RORA: variants seen among roughly 807,000 people sequenced by gnomAD.
RORA encodes the protein RAR related orphan receptor A.
Under a neutral mutation model 69.5 loss-of-function variants are expected in RORA, and 7 were observed. That is an observed-to-expected ratio of 0.10 (90% CI 0.06 to 0.19). RORA has a LOEUF of 0.19. RORA is among the 10% of genes least tolerant of loss of function. The probability of loss-of-function intolerance (pLI) is 1.00; values close to 1 mark genes in which losing one functional copy is unlikely to be tolerated. For synonymous variants in RORA, 261 were observed against 240.8 expected (o/e 1.08, Z -0.78); for missense variants, 457 against 663.0 (o/e 0.69, Z 3.41).
chr15:60,817,500 T>C (rs1252431856), intron 1 of RORA, among the ~76,000 whole-genome samples: 1 of 152,242 alleles, frequency 6.6e-6, no homozygotes, highest in African/African-American at 2.4e-5. Context: ...ATATAATACA[T>C]TACTATTAAC....
chr15:60,969,100 C>A (rs2140349928), intron 1 of RORA, among the ~76,000 whole-genome samples: 1 of 152,258 alleles, frequency 6.6e-6, no homozygotes, highest in East Asian at 1.9e-4. Context: ...TCTTACTGTA[C>A]CCTATGAAGT....
chr15:60,535,681 A>ATTTT (rs1053520919), intron 2 of RORA, among the ~76,000 whole-genome samples: 1 of 152,208 alleles, frequency 6.6e-6, no homozygotes, highest in Non-Finnish European at 1.5e-5. Flanking sequence ...AACAATGCCC[A>ATTTT]TTTTCCCAAA....
intron 1 of RORA, among the ~76,000 whole-genome samples, chr15:61,095,665 C>G (rs2078778667): frequency 1.3e-5 from 2 of 152,162 alleles, no homozygotes; most frequent in Non-Finnish European, 2.9e-5. Context: ...GCAGCAGAAC[C>G]CTTTGCTTAA....
intron 1 of RORA, among the ~76,000 whole-genome samples, chr15:60,985,571 A>G (rs1395742379): frequency 6.7e-6 from 1 of 148,530 alleles, no homozygotes; most frequent in Non-Finnish European, 1.5e-5. Context: ...GCTAGGTAAG[A>G]AACTCATCCT....
intron 2 of RORA, among the ~76,000 whole-genome samples, chr15:60,557,230 A>T (rs1430195837): frequency 6.6e-6 from 1 of 152,240 alleles, no homozygotes; most frequent in Non-Finnish European, 1.5e-5. Context: ...AATTTGCATT[A>T]TCCCTCTATA....
chr15:60,797,540 G>C (rs755476154), intron 1 of RORA, among the ~76,000 whole-genome samples: 8 of 152,186 alleles, frequency 5.3e-5, no homozygotes, highest in Non-Finnish European at 7.3e-5. Context: ...TGGGTACCAT[G>C]AGTTGTTTTA....
intron 1 of RORA, among the ~76,000 whole-genome samples, chr15:60,743,536 G>A (rs79726874): frequency 0.026 from 3,904 of 152,304 alleles, 117 homozygotes; most frequent in African/African-American, 0.066. Flanking sequence ...TGGAAGATGA[G>A]TGAGCTTCAA....
intron 2 of RORA, among the ~76,000 whole-genome samples, chr15:60,639,217 GTATTT>G (rs1193773953): frequency 1.8e-4 from 11 of 59,828 alleles, no homozygotes; most frequent in East Asian, 5.9e-4. Flanking sequence ...GCAGGTTTTT[GTATTT>G]TTTTTTTTTT....
At chr15:60,826,666 C>T (rs1464168635) in intron 1 of RORA, among the ~76,000 whole-genome samples, 2 of 150,246 alleles carry the variant, frequency 1.3e-5, no homozygotes, top group East Asian at 3.9e-4. Flanking sequence ...TTTTTTTTCC[C>T]ATGGAGGAGG....
intron 1 of RORA, among the ~76,000 whole-genome samples, chr15:60,952,641 C>G (rs1458940352): frequency 2.0e-5 from 3 of 152,124 alleles, no homozygotes; most frequent in Non-Finnish European, 4.4e-5. Context: ...TTCCTATACA[C>G]CAATAACAGA....
intron 1 of RORA, among the ~76,000 whole-genome samples, chr15:61,154,211 G>C (rs2079422895): frequency 1.3e-5 from 2 of 152,086 alleles, no homozygotes; most frequent in African/African-American, 4.8e-5. Context: ...GTCTTTGACT[G>C]ACATTCTTTT....
Position 60,867,813 on chromosome 15 carries a change from G to T in RORA, c.167-189127C>A, listed in dbSNP as rs1016398932. On this transcript the variant is annotated intron_variant, in intron 1 of 10. Transcript: ENST00000335670. ...GTTTTAATGATCATTTGATTAATAAGAACTGTGAATTGACAATGTCTCCCA... is the reference window on the plus strand; with the variant it reads ...GTTTTAATGATCATTTGATTAATAATAACTGTGAATTGACAATGTCTCCCA... Among the ~76,000 whole-genome samples the T allele has an allele frequency of 3.3e-5, 5 of 152,214 alleles. No individual in the cohort carries two copies. In the East Asian group the frequency reaches 9.6e-4, roughly 29 times the overall value.
chr15:61,047,864 A>G (rs1442168385), intron 1 of RORA, among the ~76,000 whole-genome samples: 1 of 152,220 alleles, frequency 6.6e-6, no homozygotes, highest in Non-Finnish European at 1.5e-5. Context: ...GGGAGATATC[A>G]TCATTCATTC....
At chr15:61,065,280 G>C (rs1266733341) in intron 1 of RORA, among the ~76,000 whole-genome samples, 1 of 152,128 alleles carries the variant, frequency 6.6e-6, no homozygotes, top group African/African-American at 2.4e-5. Context: ...TTGAAGGTGG[G>C]GGCCATATCT....
chr15:61,102,033 A>C (rs893287), intron 1 of RORA, among the ~76,000 whole-genome samples: 1 of 151,788 alleles, frequency 6.6e-6, no homozygotes, highest in Admixed American at 6.6e-5. Context: ...GGTTAAGAAC[A>C]CACCCTAACA....
chr15:60,833,042 C>G (rs1365663240), intron 1 of RORA, among the ~76,000 whole-genome samples: 1 of 148,810 alleles, frequency 6.7e-6, no homozygotes, highest in Non-Finnish European at 1.5e-5. Context: ...GTAGCTGGGA[C>G]TACAGGCGCC....
chr15:60,629,003 C>T (rs1425551952), intron 2 of RORA, among the ~76,000 whole-genome samples: 1 of 152,036 alleles, frequency 6.6e-6, no homozygotes, highest in Non-Finnish European at 1.5e-5. Flanking sequence ...AGCCTGAAGT[C>T]CACAGGTATT....
chr15:60,588,133 T>G (rs2068389027), intron 2 of RORA, among the ~76,000 whole-genome samples: 1 of 152,188 alleles, frequency 6.6e-6, no homozygotes. Flanking sequence ...CTATCAAATG[T>G]CAATTCACAC....
intron 4 of RORA, 78 bp downstream of exon 4, chr15:60,514,538 T>C (rs1486676699): frequency 1.3e-5 from 18 of 1,400,216 alleles, no homozygotes; most frequent in Admixed American, 3.5e-5. Flanking sequence ...GGGCAGATAT[T>C]GGCAGATCTG....
Sources: gnomAD v4.1 joint callset for allele counts (sites outside exome capture counted in the v4.1 genomes callset) on GRCh38, gnomAD v4.1.1 for gene constraint, MANE v1.5 for transcripts, NCBI Gene and HGNC (gene_info 2026-07-23, HGNC 2026-07-21) for gene names.